Variants in FAM151B observed in about 807,000 individuals in gnomAD.
FAM151B encodes the protein family with sequence similarity 151 member B, also known as protein FAM151B.
Under a neutral mutation model 31.2 loss-of-function variants are expected in FAM151B, and 24 were observed. The observed-to-expected ratio is 0.77, with a 90% CI of 0.56 to 1.08. The LOEUF is 1.08. FAM151B is among the 50% of genes least tolerant of loss of function. The pLI is 0.00. For synonymous variants in FAM151B, 105 were observed against 111.4 expected (o/e 0.94, Z 0.36); for missense variants, 293 against 328.6 (o/e 0.89, Z 0.84).
At position 80,519,695 on chromosome 5, in the gene FAM151B, T is replaced by A; in HGVS notation, c.320T>A (p.Leu107Gln). 1 of 1,612,188 alleles carries A rather than the reference T, an allele frequency of 6.2e-7. No homozygotes were observed. The highest frequency in any genetic ancestry group is 8.5e-7 in the Non-Finnish European group (1 of 1,179,116). The part of the protein sequence containing the change: ...NKGIKLDFKS[L>Q]AVVEPSMMLL... ...TTGACAACAAATTATGTTTTTAGTCTGGCAGTTGTAGAACCATCCATGATG... is the reference window on the plus strand; with the variant it reads ...TTGACAACAAATTATGTTTTTAGTCAGGCAGTTGTAGAACCATCCATGATG... Residue 107 changes from leucine to glutamine, a missense_variant and splice_region_variant, in exon 4 of 6, where the codon CTG (leucine) becomes CAG (glutamine). Physicochemically the swap from Leu to Gln is moderately radical, Grantham distance 113. Transcript: ENST00000282226.
intron 2 of FAM151B, among the ~76,000 whole-genome samples, chr5:80,508,978 A>ATT (rs371498972): frequency 1.3e-5 from 2 of 148,288 alleles, no homozygotes; most frequent in African/African-American, 2.5e-5. Context: ...TCATGTTGAA[A>ATT]TTTTTTTTTT....
chr5:80,494,428 T>G (rs1430369316), intron 1 of FAM151B, among the ~76,000 whole-genome samples: 1 of 151,820 alleles, frequency 6.6e-6, no homozygotes, highest in Non-Finnish European at 1.5e-5. Context: ...TTTCTTTCTT[T>G]CTGTCTTTCT....
At chr5:80,538,514 TTCCTTCC>T (rs1561383995) in intron 5 of FAM151B, among the ~76,000 whole-genome samples, 716 of 14,434 alleles carry the variant, frequency 0.05, 34 homozygotes, top group Admixed American at 0.077. Flanking sequence ...TTTTCTTTCT[TTCCTTCC>T]TTCCTTCCTT....
chr5:80,516,186 T>C (rs1286525099), intron 3 of FAM151B, among the ~76,000 whole-genome samples: 1 of 152,086 alleles, frequency 6.6e-6, no homozygotes, highest in East Asian at 1.9e-4. Context: ...TAGCTGGACG[T>C]GGTGGCACAT....
At chr5:80,517,852 A>G (rs533831173) in intron 3 of FAM151B, among the ~76,000 whole-genome samples, 1 of 152,058 alleles carries the variant, frequency 6.6e-6, no homozygotes, top group African/African-American at 2.4e-5. Flanking sequence ...CAGGTGGATC[A>G]CTTGAGGTCA....
chr5:80,519,332 TTTATC>T (rs1219734187), intron 3 of FAM151B, among the ~76,000 whole-genome samples: 4 of 152,322 alleles, frequency 2.6e-5, no homozygotes, highest in African/African-American at 4.8e-5. Context: ...GTGTATTTCA[TTTATC>T]TTATTTATAC....
chr5:80,503,780 T>G (rs1253384695), intron 2 of FAM151B, among the ~76,000 whole-genome samples: 2 of 152,090 alleles, frequency 1.3e-5, no homozygotes, highest in African/African-American at 2.4e-5. Context: ...CAGGAGTTGA[T>G]GAAGCAAGGC....
At chr5:80,539,348 G>A (rs1745763618) in intron 5 of FAM151B, among the ~76,000 whole-genome samples, 2 of 145,226 alleles carry the variant, frequency 1.4e-5, no homozygotes, top group Middle Eastern at 3.5e-3. Context: ...CTTTACCATG[G>A]TGTTCTTGGT....
At chr5:80,492,903 A>G (rs868102485) in intron 1 of FAM151B, among the ~76,000 whole-genome samples, 20 of 152,272 alleles carry the variant, frequency 1.3e-4, no homozygotes, top group Middle Eastern at 3.4e-3. Flanking sequence ...ATAGTGAGCT[A>G]TGATTGCACC....
chr5:80,524,196 T>G (rs76085086), intron 5 of FAM151B, among the ~76,000 whole-genome samples: 1,917 of 152,232 alleles, frequency 0.013, 51 homozygotes, highest in African/African-American at 0.044. Context: ...CTTGGAGACA[T>G]AATACTCAGA....
intron 5 of FAM151B, among the ~76,000 whole-genome samples, chr5:80,533,308 C>T (rs1185371753): frequency 3.3e-5 from 5 of 150,254 alleles, no homozygotes; most frequent in African/African-American, 4.9e-5. Flanking sequence ...ACCTGGGAGG[C>T]GGAGCTTGCA....
intron 1 of FAM151B, chr5:80,498,987 G>A (rs1032126034): frequency 1.5e-5 from 3 of 199,876 alleles, no homozygotes; most frequent in Non-Finnish European, 3.1e-5. Flanking sequence ...GCATTTTGGT[G>A]GCAGCTCCAC....
chr5:80,504,529 T>G (rs1743876078), intron 2 of FAM151B, among the ~76,000 whole-genome samples: 1 of 140,888 alleles, frequency 7.1e-6, no homozygotes, highest in Non-Finnish European at 1.5e-5. Context: ...TTTTTTTTTT[T>G]TTTTTTTTTT....
chr5:80,521,372 C>T (rs1244545651), intron 4 of FAM151B, among the ~76,000 whole-genome samples: 1 of 151,892 alleles, frequency 6.6e-6, no homozygotes, highest in Non-Finnish European at 1.5e-5. Flanking sequence ...GCTATCCTCC[C>T]ACCTTGGCCT....
intron 2 of FAM151B, among the ~76,000 whole-genome samples, chr5:80,504,126 G>T (rs1404352593): frequency 6.6e-6 from 1 of 152,150 alleles, no homozygotes; most frequent in Non-Finnish European, 1.5e-5. Context: ...TCCGAAATGA[G>T]ATTCTTGACT....
chr5:80,502,350 A>G (rs1743778945), intron 2 of FAM151B, among the ~76,000 whole-genome samples: 1 of 152,164 alleles, frequency 6.6e-6, no homozygotes, highest in African/African-American at 2.4e-5. Context: ...GTATGTAGTG[A>G]TTTGAGTAAA....
intron 3 of FAM151B, among the ~76,000 whole-genome samples, chr5:80,517,877 G>A (rs552209327): frequency 2.6e-5 from 4 of 152,018 alleles, no homozygotes; most frequent in Non-Finnish European, 5.9e-5. Context: ...TTCAAGACCA[G>A]CCTGGCCAAC....
rs111632517 is a variant in FAM151B at position 80,493,423 on chromosome 5, G to A, written c.25+5275G>A. On this transcript the variant is annotated intron_variant, in intron 1 of 5. Coordinates refer to ENST00000282226, the MANE Select transcript of FAM151B (RefSeq NM_205548.3). ...TACCTTAAAAAAGAACAGAATAACA[G>A]CAATTTTCAGGGAAATAGGGAAGAT... 5.9e-3 allele frequency among the ~76,000 whole-genome samples: 899 copies of A among 152,266 alleles called. 5 individuals are homozygous for A. Among genetic ancestry groups the A allele is most frequent in the African/African-American group, 0.02 (830 of 41,550 alleles).
chr5:80,500,949 G>C lies in FAM151B; in HGVS notation c.26-843G>C, dbSNP rs55735108. On this transcript the variant is annotated intron_variant, in intron 1 of 5. Coordinates refer to ENST00000282226, the MANE Select transcript of FAM151B (RefSeq NM_205548.3). Reference sequence around the variant, plus strand: ...AACACTTCAAAGAAGCAAATAACTTGCTGTGGCCCTTCAAATTATCTTCGC... The same window carrying C: ...AACACTTCAAAGAAGCAAATAACTTCCTGTGGCCCTTCAAATTATCTTCGC... The C allele has an allele frequency of 5.0e-3, 3,575 of 715,660 alleles. 20 individuals are homozygous for C. The highest frequency in any genetic ancestry group is 6.3e-3 in the Non-Finnish European group (2,503 of 395,674). The allele number at this position is 715,660 out of a possible 1,614,324, so 44.3% of individuals were successfully genotyped here. A position where few individuals can be genotyped will look rare whatever the true frequency, so the allele number is the denominator to read the frequency against.
Sources: allele counts gnomAD v4.1 joint callset (sites outside exome capture counted in the v4.1 genomes callset), GRCh38; gene constraint gnomAD v4.1.1; transcripts MANE v1.5; gene names NCBI Gene and HGNC (gene_info 2026-07-23, HGNC 2026-07-21).